THSD4: variants seen among roughly 807,000 people sequenced by gnomAD.
The protein encoded by THSD4 is thrombospondin type 1 domain containing 4, also known as thrombospondin type-1 domain-containing protein 4.
A neutral mutation model predicts 119.0 loss-of-function variants in THSD4; 69 were observed. The ratio of observed to expected loss-of-function variants is 0.58; its 90% CI spans 0.48 to 0.71. The LOEUF is 0.71. Among genes scored for constraint, THSD4 ranks in the 30% least tolerant of loss-of-function variants. The pLI, the probability that THSD4 is intolerant of heterozygous loss-of-function variation, is 0.00. For missense variants in THSD4, 1,393 were observed against 1,391.1 expected, an observed-to-expected ratio of 1.00 and a Z score of -0.02; for synonymous variants, 524 against 540.4, an observed-to-expected ratio of 0.97 and a Z score of 0.42.
At chr15:71,633,140 T>C (rs1038296126) in intron 7 of THSD4, among the ~76,000 whole-genome samples, 4 of 152,100 alleles carry the variant, frequency 2.6e-5, no homozygotes, top group Admixed American at 1.3e-4. Context: ...CCCCCATCTA[T>C]TGTGTGTATA....
At chr15:71,620,709 C>T (rs1054700645) in intron 7 of THSD4, among the ~76,000 whole-genome samples, 6 of 152,168 alleles carry the variant, frequency 3.9e-5, no homozygotes, top group Non-Finnish European at 8.8e-5. Context: ...GAAATGAAGC[C>T]TCAGAGTGGA....
At chr15:71,377,902 A>ACCCACC (rs779584942) in intron 6 of THSD4, among the ~76,000 whole-genome samples, 2 of 91,692 alleles carry the variant, frequency 2.2e-5, no homozygotes, top group African/African-American at 8.6e-5. Flanking sequence ...ACACACACAC[A>ACCCACC]CACACACACA....
chr15:71,370,376 G>A (rs2046027702), intron 6 of THSD4, among the ~76,000 whole-genome samples: 1 of 151,880 alleles, frequency 6.6e-6, no homozygotes, highest in South Asian at 2.1e-4. Context: ...GTGATGTTAG[G>A]GTGTCAATTT....
At chr15:71,329,111 C>G (rs1314758898) in intron 6 of THSD4, among the ~76,000 whole-genome samples, 2 of 152,128 alleles carry the variant, frequency 1.3e-5, no homozygotes, top group African/African-American at 4.8e-5. Context: ...TGTTGGCTGC[C>G]CTCTGGATGC....
chr15:71,100,337 G>A (rs1467810169), intron 1 of THSD4, among the ~76,000 whole-genome samples: 1 of 152,178 alleles, frequency 6.6e-6, no homozygotes, highest in African/African-American at 2.4e-5. Flanking sequence ...TGGCTTTGAT[G>A]AAGTAAGTTG....
chr15:71,416,695 C>CATTTTATTTT lies in THSD4; in HGVS notation c.1152+4883_1152+4892dup, dbSNP rs201029327. On this transcript the variant is annotated intron_variant, in intron 7 of 17. Coordinates refer to ENST00000261862, the MANE Select transcript of THSD4 (RefSeq NM_024817.3). Reference sequence around the variant, plus strand: ...CCATTTTATTTATTTTATTTTGTTTCATTTTATTTTATTTTATTTTGTTTT... The same window carrying CATTTTATTTT: ...CCATTTTATTTATTTTATTTTGTTTCATTTTATTTTATTTTATTTTATTTTATTTTGTTTT... 2.0e-4 allele frequency among the ~76,000 whole-genome samples: 19 copies of CATTTTATTTT among 96,520 alleles called. 1 individual carries two copies. Among genetic ancestry groups the CATTTTATTTT allele is most frequent in the African/African-American group, 6.3e-4 (17 of 26,840 alleles). 63.3% of individuals were successfully genotyped at this position (96,520 alleles called of 152,430 possible). A position where few individuals can be genotyped will look rare whatever the true frequency, so the allele number is the denominator to read the frequency against.
rs763321534 is a variant in THSD4, at chr15:71,621,600, CTG to C, written c.1153-38928_1153-38927del. On this transcript the variant is annotated intron_variant, in intron 7 of 17. Transcript: ENST00000261862. Reference sequence around the variant, plus strand: ...GTTAAGTTATTGATATTCTGATTAACTGTTACTATAGCTATCATTCAATAATA... The same window carrying C: ...GTTAAGTTATTGATATTCTGATTAACTTACTATAGCTATCATTCAATAATA... Among the ~76,000 whole-genome samples the C allele has an allele frequency of 6.2e-4, 95 of 152,280 alleles. 1 individual carries two copies. The highest frequency in any genetic ancestry group is 1.8e-3 in the African/African-American group (75 of 41,560).
chr15:71,255,102 CA>C (rs981107919), intron 5 of THSD4, among the ~76,000 whole-genome samples: 1 of 152,180 alleles, frequency 6.6e-6, no homozygotes, highest in African/African-American at 2.4e-5. Context: ...CTGATACATA[CA>C]GTAGATTTCT....
intron 7 of THSD4, among the ~76,000 whole-genome samples, chr15:71,602,443 C>T (rs181695920): frequency 1.4e-5 from 2 of 147,802 alleles, no homozygotes; most frequent in East Asian, 2.0e-4. Context: ...ATCCCAGCTA[C>T]TCAGGAGGCT....
At chr15:71,479,180 C>CTTTTTT (rs5813637) in intron 7 of THSD4, among the ~76,000 whole-genome samples, 35 of 80,140 alleles carry the variant, frequency 4.4e-4, no homozygotes, top group African/African-American at 1.1e-3. Context: ...TTTCTTCTGC[C>CTTTTTT]TTTTTTTTTT....
chr15:71,439,329 C>T (rs1302676674), intron 7 of THSD4, among the ~76,000 whole-genome samples: 1 of 152,126 alleles, frequency 6.6e-6, no homozygotes, highest in East Asian at 1.9e-4. Flanking sequence ...TCTATTTTCA[C>T]AATTCCCAGC....
At position 71,332,891 on chromosome 15, in the gene THSD4, C is replaced by CTTTTTTTTTT. The variant is rs1184457820; in HGVS notation, c.1015+76176_1015+76177insTTTTTTTTTT. 8.8e-3 allele frequency among the ~76,000 whole-genome samples: 336 copies of CTTTTTTTTTT among 38,004 alleles called. 20 individuals are homozygous for CTTTTTTTTTT. The highest frequency in any genetic ancestry group is 0.022 in the African/African-American group (296 of 13,546). The allele number at this position is 38,004 out of a possible 152,430, so 24.9% of individuals were successfully genotyped here. On this transcript the variant is annotated intron_variant, in intron 6 of 17. Transcript: ENST00000261862. ...TTCTTAAAACATTGAGATTTTTTTA[C>CTTTTTTTTTT]ATTTTTTTTTTTTTTTTAGTTCATC...
intron 3 of THSD4, among the ~76,000 whole-genome samples, chr15:71,171,359 C>G (rs1393719033): frequency 6.6e-6 from 1 of 152,166 alleles, no homozygotes; most frequent in East Asian, 1.9e-4. Flanking sequence ...TCCTGTCATT[C>G]ATGCAAGTGA....
intron 7 of THSD4, among the ~76,000 whole-genome samples, chr15:71,594,150 T>C (rs2049862397): frequency 1.3e-5 from 2 of 151,852 alleles, no homozygotes; most frequent in Admixed American, 6.6e-5. Flanking sequence ...CCTCACAGCC[T>C]AGGGATCCAC....
At chr15:71,519,840 G>A (rs1039159623) in intron 7 of THSD4, among the ~76,000 whole-genome samples, 3 of 152,164 alleles carry the variant, frequency 2.0e-5, no homozygotes, top group Admixed American at 6.5e-5. Context: ...AGAAATGACT[G>A]TTTATCCTAC....
intron 11 of THSD4, among the ~76,000 whole-genome samples, chr15:71,743,339 A>G (rs1268515101): frequency 6.6e-6 from 1 of 152,182 alleles, no homozygotes; most frequent in Non-Finnish European, 1.5e-5. Flanking sequence ...TTGCTTTCCT[A>G]TCCACAAACA....
intron 7 of THSD4, among the ~76,000 whole-genome samples, chr15:71,460,815 A>G (rs2047419520): frequency 6.6e-6 from 1 of 152,166 alleles, no homozygotes; most frequent in South Asian, 2.1e-4. Context: ...TCCTGGAAAG[A>G]CAAAACTTGT....
chr15:71,242,893 G>A lies in THSD4; in HGVS notation c.709G>A (p.Ala237Thr), dbSNP rs199934912. 3.4e-5 allele frequency: 55 copies of A among 1,614,188 alleles called. No individual in the cohort carries two copies. The African/African-American group carries it at 5.9e-4, about 17-fold the overall frequency. The change falls in exon 5 of 18, where the codon GCT becomes ACT. Residue 237 changes from alanine (A) to threonine (T), a missense_variant. Transcript: ENST00000261862. ...CAGTGGCCCTCGCTCTGGACTGCAG[G>A]CTGCGGAGGCCCCCATCTACCAGCT... ...SDSGPRSGLQ[A>T]AEAPIYQLPL...
At chr15:71,576,033 C>T (rs974577917) in intron 7 of THSD4, among the ~76,000 whole-genome samples, 5 of 151,670 alleles carry the variant, frequency 3.3e-5, no homozygotes, top group African/African-American at 1.2e-4. Flanking sequence ...GAGATTATGT[C>T]CTCTGCAGTT....
Sources: gnomAD v4.1 joint callset for allele counts (sites outside exome capture counted in the v4.1 genomes callset) on GRCh38, gnomAD v4.1.1 for gene constraint, MANE v1.5 for transcripts, NCBI Gene and HGNC (gene_info 2026-07-23, HGNC 2026-07-21) for gene names.